The following ERBB4 variants were observed in gnomAD, a reference collection of about 807,000 sequenced individuals.
ERBB4 encodes the protein receptor tyrosine-protein kinase erbB-4.
ERBB4 carries 42 observed loss-of-function variants against 158.0 expected under a neutral mutation model. The observed-to-expected ratio is 0.27, with a 90% CI of 0.21 to 0.34. The LOEUF is 0.34. Ranked by LOEUF, ERBB4 falls within the 10% of genes least tolerant of loss-of-function variation. ERBB4 has a pLI of 1.00. For synonymous variants in ERBB4, 583 were observed against 558.7 expected, an observed-to-expected ratio of 1.04 and a Z score of -0.61; for missense variants, 1,333 against 1,624.1, an observed-to-expected ratio of 0.82 and a Z score of 3.08.
At chr2:212,185,662 G>C (rs1019500524) in intron 1 of ERBB4, among the ~76,000 whole-genome samples, 4 of 151,966 alleles carry the variant, frequency 2.6e-5, no homozygotes, top group African/African-American at 9.7e-5. Context: ...ATTCTAGGGA[G>C]ATTGGTTTCT....
At chr2:211,524,939 G>A (rs78047850) in intron 20 of ERBB4, among the ~76,000 whole-genome samples, 13,018 of 152,262 alleles carry the variant, frequency 0.085, 728 homozygotes, top group African/African-American at 0.16. Flanking sequence ...TGCCACCTCT[G>A]AACAGCAGAA....
In ERBB4 at chr2:212,165,413, G is replaced by GA. The variant is rs2081318446; in HGVS notation, c.83-40511dup. On this transcript the variant is annotated intron_variant, in intron 1 of 27. Coordinates refer to ENST00000342788, the MANE Select transcript of ERBB4 (RefSeq NM_005235.3). Reference sequence around the variant, plus strand: ...CCATAATCCCAGCCCTGAGGGTAATGAAAAAATCTCTGATTTGCAGAGAGG... The same window carrying GA: ...CCATAATCCCAGCCCTGAGGGTAATGAAAAAAATCTCTGATTTGCAGAGAGG... Among the ~76,000 whole-genome samples the GA allele has an allele frequency of 2.6e-5, 4 of 151,780 alleles. No individual in the cohort carries two copies. The South Asian group carries it at 6.3e-4, about 24-fold the overall frequency.
intron 2 of ERBB4, among the ~76,000 whole-genome samples, chr2:211,948,459 A>C (rs1252465239): frequency 3.5e-5 from 5 of 144,504 alleles, no homozygotes; most frequent in South Asian, 2.2e-4. Context: ...AAAAAAAAAA[A>C]AAAACCTAAT....
At chr2:211,606,930 A>G (rs1410933009) in intron 19 of ERBB4, among the ~76,000 whole-genome samples, 2 of 152,130 alleles carry the variant, frequency 1.3e-5, no homozygotes, top group Non-Finnish European at 2.9e-5. Context: ...AAGTCTCCCA[A>G]AAAGCTTACA....
intron 1 of ERBB4, among the ~76,000 whole-genome samples, chr2:212,463,276 G>A (rs1193328826): frequency 6.6e-6 from 1 of 152,034 alleles, no homozygotes; most frequent in Non-Finnish European, 1.5e-5. Flanking sequence ...CGCAAAGAAA[G>A]GGTAAATGTT....
At chr2:212,153,950 G>A (rs144165452) in intron 1 of ERBB4, among the ~76,000 whole-genome samples, 1 of 151,870 alleles carries the variant, frequency 6.6e-6, no homozygotes, top group Non-Finnish European at 1.5e-5. Context: ...AGTACGTATG[G>A]AAAATGGTTC....
intron 2 of ERBB4, among the ~76,000 whole-genome samples, chr2:211,956,080 T>C (rs1235729255): frequency 6.6e-6 from 1 of 151,824 alleles, no homozygotes; most frequent in East Asian, 1.9e-4. Flanking sequence ...TTTCTACATA[T>C]TTATACAGGT....
chr2:211,387,062 G>T lies in ERBB4; in HGVS notation c.3272C>A (p.Ala1091Asp), dbSNP rs2062700484. 1.2e-6 allele frequency: 2 copies of T among 1,613,860 alleles called. No individual in the cohort carries two copies. The highest frequency in any genetic ancestry group is 3.3e-5 in the Admixed American group (2 of 60,004). ...AGCAGTAGCACCCTGTGCCACAGGAGCTTCTGGAATTGTGCTAGTTGGGGC... is the reference window on the plus strand; with the variant it reads ...AGCAGTAGCACCCTGTGCCACAGGATCTTCTGGAATTGTGCTAGTTGGGGC... Reference protein sequence around the residue: ...YRAPTSTIPEAPVAQGATAEI... With the variant: ...YRAPTSTIPEDPVAQGATAEI... The change falls in exon 27 of 28, where the codon GCT (alanine) becomes GAT (aspartate). Residue 1091 changes from alanine (A) to aspartate (D), a missense_variant. Physicochemically the swap from Ala to Asp is moderately radical, Grantham distance 126 (BLOSUM62 -2). Around this residue, in one of 5 missense-constraint regions of ERBB4, gnomAD observed 252 missense variants for 241.3 expected, o/e 1.04. Coordinates refer to ENST00000342788, the MANE Select transcript of ERBB4 (RefSeq NM_005235.3).
chr2:212,204,663 C>T (rs1339604012), intron 1 of ERBB4, among the ~76,000 whole-genome samples: 2 of 150,396 alleles, frequency 1.3e-5, no homozygotes, highest in African/African-American at 4.9e-5. Context: ...TGCCATTGCA[C>T]TCCAGCCTGA....
At chr2:211,897,281 G>A (rs192876518) in intron 3 of ERBB4, among the ~76,000 whole-genome samples, 6 of 151,986 alleles carry the variant, frequency 3.9e-5, no homozygotes, top group Non-Finnish European at 5.9e-5. Context: ...TATCTCATGT[G>A]AAAGTACTGT....
At chr2:212,528,794 C>T (rs1163560899) in intron 1 of ERBB4, among the ~76,000 whole-genome samples, 8 of 152,098 alleles carry the variant, frequency 5.3e-5, no homozygotes, top group Non-Finnish European at 1.0e-4. Flanking sequence ...TAGAGTGAAT[C>T]ATCTAAAAGA....
chr2:212,123,034 A>AT (rs1247318514), intron 2 of ERBB4, among the ~76,000 whole-genome samples: 1 of 152,212 alleles, frequency 6.6e-6, no homozygotes, highest in Non-Finnish European at 1.5e-5. Context: ...CTATAAAGTC[A>AT]TTGAGTTTCT....
At chr2:212,270,812 G>A (rs1361730987) in intron 1 of ERBB4, among the ~76,000 whole-genome samples, 1 of 151,700 alleles carries the variant, frequency 6.6e-6, no homozygotes, top group Admixed American at 6.6e-5. Flanking sequence ...TTGAGAGGGA[G>A]CTATTGGGAG....
At chr2:212,490,592 T>C (rs1426400422) in intron 1 of ERBB4, among the ~76,000 whole-genome samples, 1 of 151,824 alleles carries the variant, frequency 6.6e-6, no homozygotes, top group Non-Finnish European at 1.5e-5. Flanking sequence ...AATTTTTGAA[T>C]AAATTATATT....
At chr2:211,824,822 T>A (rs1213719197) in intron 3 of ERBB4, among the ~76,000 whole-genome samples, 1 of 151,966 alleles carries the variant, frequency 6.6e-6, no homozygotes, top group African/African-American at 2.4e-5. Context: ...AAAAATATGT[T>A]TGTTTTTACA....
intron 1 of ERBB4, among the ~76,000 whole-genome samples, chr2:212,456,665 A>G (rs979848757): frequency 1.6e-4 from 25 of 152,124 alleles, no homozygotes; most frequent in Non-Finnish European, 3.2e-4. Flanking sequence ...GATTAAAATA[A>G]CAGAAAAAGT....
At chr2:211,508,292 C>A (rs948018700) in intron 20 of ERBB4, among the ~76,000 whole-genome samples, 4 of 151,918 alleles carry the variant, frequency 2.6e-5, no homozygotes, top group African/African-American at 4.8e-5. Flanking sequence ...GAGAAAAAAA[C>A]AACCCCATCA....
At chr2:211,549,425 C>T (rs948301061) in intron 20 of ERBB4, among the ~76,000 whole-genome samples, 5 of 152,130 alleles carry the variant, frequency 3.3e-5, no homozygotes, top group East Asian at 1.9e-4. Context: ...TATGTTCCTA[C>T]GGTCACACTG....
At chr2:212,410,704 T>C (rs1382437036) in intron 1 of ERBB4, among the ~76,000 whole-genome samples, 3 of 152,058 alleles carry the variant, frequency 2.0e-5, no homozygotes, top group African/African-American at 4.8e-5. Flanking sequence ...ACATGAAATA[T>C]AAATATGTAT....
Sources: allele counts gnomAD v4.1 joint callset (sites outside exome capture counted in the v4.1 genomes callset), GRCh38; gene constraint gnomAD v4.1.1; regional missense constraint gnomAD v4.1.1; transcripts MANE v1.5; gene names NCBI Gene and HGNC (gene_info 2026-07-23, HGNC 2026-07-21).